The following LARP4B variants were observed in gnomAD, a reference collection of about 807,000 sequenced individuals.
The protein encoded by LARP4B is la-related protein 4B.
In LARP4B, 12 loss-of-function variants were observed where a neutral mutation model predicts 89.8. That is an observed-to-expected ratio of 0.13 (90% CI 0.09 to 0.22). The LOEUF is 0.22. LARP4B is among the 10% of genes least tolerant of loss of function. LARP4B has a pLI of 1.00. For synonymous variants in LARP4B, 367 were observed against 363.3 expected (o/e 1.01, Z -0.12); for missense variants, 757 against 947.7 (o/e 0.80, Z 2.64).
At chr10:952,396 A>C in the LARP4B span, among the ~76,000 whole-genome samples, 1 of 147,454 alleles carries the variant, frequency 6.8e-6, no homozygotes, top group African/African-American at 2.5e-5. Flanking sequence ...AACCAACTGC[A>C]TAACAGACAA....
chr10:972,474 G>T, the LARP4B span: 1 of 454,566 alleles, frequency 2.2e-6, no homozygotes, highest in Non-Finnish European at 4.4e-6. Context: ...ATTGTGGCAG[G>T]ACAGTCCACA....
intron 13 of LARP4B, 149 bp from the exon 14 acceptor site, chr10:820,994 C>A: frequency 2.9e-6 from 2 of 687,094 alleles, no homozygotes; most frequent in Non-Finnish European, 4.8e-6. Context: ...ATTCTAAAAT[C>A]CCAACTTCAG....
Position 863,521 on chromosome 10 carries a change from G to A in LARP4B, c.430+222C>T, listed in dbSNP as rs11253479. ...TGGGATGACAGGCGTGAGCCCCCGCGCCCGGCCCAGGTTTCATCTTTTGAG... is the reference window on the plus strand; with the variant it reads ...TGGGATGACAGGCGTGAGCCCCCGCACCCGGCCCAGGTTTCATCTTTTGAG... On this transcript the variant is annotated intron_variant, in intron 5 of 17. Transcript: ENST00000316157. Among the ~76,000 whole-genome samples, 896 of 152,130 alleles carry A rather than the reference G, an allele frequency of 5.9e-3. 15 individuals carry two copies. Among genetic ancestry groups the A allele is most frequent in the African/African-American group, 0.021 (852 of 41,500 alleles).
At chr10:954,569 C>T in the LARP4B span, among the ~76,000 whole-genome samples, 4 of 152,010 alleles carry the variant, frequency 2.6e-5, no homozygotes, top group African/African-American at 7.3e-5. This position sits in a 1 kb window ranked among gnomAD's most constrained non-coding sequence, Gnocchi z 5.0. Flanking sequence ...TGCCTGAGGT[C>T]GGGAGGAGGA....
the LARP4B span, among the ~76,000 whole-genome samples, chr10:948,526 C>G: frequency 2.0e-5 from 3 of 152,222 alleles, no homozygotes; most frequent in Non-Finnish European, 4.4e-5. Context: ...GGATTACAGG[C>G]GTGAGCCCCC....
intron 1 of LARP4B, among the ~76,000 whole-genome samples, chr10:910,439 G>A (rs950067518): frequency 1.6e-4 from 25 of 152,304 alleles, no homozygotes; most frequent in African/African-American, 5.3e-4. Context: ...TGAGAGTGGC[G>A]CTGGGAACCA....
At chr10:808,736 T>TGC (rs1046983070), downstream of LARP4B, 4 of 144,288 alleles carry the variant, frequency 2.8e-5, no homozygotes, top group African/African-American at 1.0e-4. Context: ...TGTGTGTGTG[T>TGC]GTGTGCGTGT....
At chr10:901,410 C>G (rs1210606913) in intron 1 of LARP4B, among the ~76,000 whole-genome samples, 1 of 152,278 alleles carries the variant, frequency 6.6e-6, no homozygotes, top group South Asian at 2.1e-4. Flanking sequence ...TTTTATCTTA[C>G]AATAGAATAA....
intron 3 of LARP4B, chr10:873,265 T>C (rs1056505532): frequency 5.1e-6 from 5 of 985,220 alleles, no homozygotes; most frequent in African/African-American, 3.5e-5. Flanking sequence ...AAATAACCCC[T>C]TGCACAGCGG....
At chr10:973,857 G>A in the LARP4B span, among the ~76,000 whole-genome samples, 2 of 152,168 alleles carry the variant, frequency 1.3e-5, no homozygotes, top group African/African-American at 4.8e-5. Flanking sequence ...CGTGGAGTGA[G>A]AAAAGTGCAT....
intron 1 of LARP4B, among the ~76,000 whole-genome samples, chr10:893,090 T>C (rs201766100): frequency 1.5e-3 from 229 of 150,678 alleles, no homozygotes; most frequent in African/African-American, 4.3e-3. Flanking sequence ...CTTTTTTTTT[T>C]CCCAGTAGAG....
the LARP4B span, among the ~76,000 whole-genome samples, chr10:953,825 C>A: frequency 6.6e-6 from 1 of 152,250 alleles, no homozygotes; most frequent in African/African-American, 2.4e-5. Context: ...GGCAGTCCAG[C>A]CCTCTGGAGA....
chr10:961,497 A>G, the LARP4B span, among the ~76,000 whole-genome samples: 8 of 141,332 alleles, frequency 5.7e-5, no homozygotes, highest in East Asian at 4.3e-4. Context: ...CACTCATGGC[A>G]GCGTGGTGCC....
intron 13 of LARP4B, among the ~76,000 whole-genome samples, chr10:824,768 G>A (rs547196562): frequency 6.6e-5 from 10 of 152,366 alleles, no homozygotes; most frequent in Admixed American, 5.9e-4. Context: ...GGGGCCTGGT[G>A]AGCCAGGGGT....
At chr10:949,098 C>T in the LARP4B span, among the ~76,000 whole-genome samples, 1 of 151,976 alleles carries the variant, frequency 6.6e-6, no homozygotes, top group Non-Finnish European at 1.5e-5. Context: ...GGTGGCTGTA[C>T]CATCTTACAT....
upstream of LARP4B, among the ~76,000 whole-genome samples, chr10:936,255 A>AG (rs1830747216): frequency 2.6e-5 from 4 of 152,114 alleles, no homozygotes; most frequent in South Asian, 4.1e-4. Flanking sequence ...ATGGAGGGTG[A>AG]GGATGAGGGA....
At chr10:981,226 T>C in the LARP4B span, among the ~76,000 whole-genome samples, 3 of 152,366 alleles carry the variant, frequency 2.0e-5, no homozygotes, top group South Asian at 6.2e-4. Context: ...TCCATATCAC[T>C]ATCAGTATTT....
Position 814,792 on chromosome 10 carries a change from C to A in LARP4B, c.1879G>T (p.Ala627Ser). The A allele has an allele frequency of 1.2e-6, 2 of 1,604,568 alleles. No individual in the cohort carries two copies. Among genetic ancestry groups the A allele is most frequent in the Non-Finnish European group, 1.7e-6 (2 of 1,173,898 alleles). The stretch of plus-strand genomic sequence containing the variant: ...GATTTACACGCGGTCGCAGTGAGGG[C>A]GGAAGGAAGTCTGTCCACACTGTGG... ...ETHSVDRLPS[A>S]LTATACKSVQ... Residue 627 changes from alanine (A) to serine (S), a missense_variant, in exon 17 of 18, where the codon GCC becomes TCC. By Grantham distance (99) the Ala-to-Ser change is moderately conservative (BLOSUM62 1). Transcript: ENST00000316157. This position sits in a 1 kb window ranked among gnomAD's most constrained non-coding sequence, Gnocchi z 4.4.
At chr10:832,025 GTTTTTAT>G (rs1170558349) in intron 8 of LARP4B, among the ~76,000 whole-genome samples, 1 of 152,050 alleles carries the variant, frequency 6.6e-6, no homozygotes, top group Non-Finnish European at 1.5e-5. Flanking sequence ...ATGGAAGATT[GTTTTTAT>G]TTTTTATTTT....
Sources: gnomAD v4.1 joint callset for allele counts (sites outside exome capture counted in the v4.1 genomes callset) on GRCh38, gnomAD v4.1.1 for gene constraint, Gnocchi (gnomAD v3.1) non-coding constraint, MANE v1.5 for transcripts, NCBI Gene and HGNC (gene_info 2026-07-23, HGNC 2026-07-21) for gene names.